MGLL: variants seen among roughly 807,000 people sequenced by gnomAD.
MGLL encodes the protein monoglyceride lipase.
In MGLL, 7 loss-of-function variants were observed where a neutral mutation model predicts 29.1. The observed-to-expected ratio is 0.24, with a 90% CI of 0.14 to 0.45. The LOEUF (loss-of-function observed/expected upper bound fraction) is 0.45. Ranked by LOEUF, MGLL falls within the 20% of genes least tolerant of loss-of-function variation. The pLI is 0.99. For missense variants in MGLL, 356 were observed against 413.6 expected, an observed-to-expected ratio of 0.86 and a Z score of 1.21; for synonymous variants, 148 against 168.3, an observed-to-expected ratio of 0.88 and a Z score of 0.93.
chr3:127,799,717 C>T (rs1215678798), intron 2 of MGLL, among the ~76,000 whole-genome samples: 3 of 152,164 alleles, frequency 2.0e-5, no homozygotes, highest in African/African-American at 7.2e-5. Context: ...TGGCAGCCCC[C>T]AAGCAGCTCA....
intron 6 of MGLL, among the ~76,000 whole-genome samples, chr3:127,697,245 G>A (rs760285112): frequency 2.6e-5 from 4 of 152,248 alleles, no homozygotes; most frequent in African/African-American, 7.2e-5. Flanking sequence ...GGGCTGTAGG[G>A]CCCGCAAAAG....
At chr3:127,818,242 C>G (rs796736533) in intron 2 of MGLL, among the ~76,000 whole-genome samples, 1 of 152,156 alleles carries the variant, frequency 6.6e-6, no homozygotes, top group East Asian at 1.9e-4. Flanking sequence ...GGATTATAGG[C>G]GTGAGCCACT....
In MGLL at chr3:127,781,051, A is replaced by T. The variant is rs185063349; in HGVS notation, c.262+738T>A. Among the ~76,000 whole-genome samples the T allele has an allele frequency of 3.0e-4, 46 of 152,328 alleles. 1 individual carries two copies. The highest frequency in any genetic ancestry group is 2.9e-3 in the Admixed American group (45 of 15,306). On this transcript the variant is annotated intron_variant, in intron 3 of 7. Coordinates refer to ENST00000265052, the MANE Select transcript of MGLL (RefSeq NM_007283.7). ...TTGTGGATTTTGCTACAGAACAAAG[A>T]ATCAAAGACCTGGCCTGGGGTTGTG... is the stretch of plus-strand genomic sequence containing the variant.
chr3:127,693,749 G>T (rs533309825), intron 7 of MGLL, among the ~76,000 whole-genome samples: 1 of 151,870 alleles, frequency 6.6e-6, no homozygotes, highest in Non-Finnish European at 1.5e-5. Flanking sequence ...TACAGGTTCC[G>T]GGGGGGCAGG....
intron 2 of MGLL, among the ~76,000 whole-genome samples, chr3:127,783,143 CAAAAAAA>C (rs72041528): frequency 1.6e-5 from 1 of 63,930 alleles, no homozygotes; most frequent in Non-Finnish European, 2.6e-5. Context: ...GACTCTGTCT[CAAAAAAA>C]AAAAAAAAAA....
chr3:127,782,015 G>A (rs1260247869), intron 2 of MGLL, 120 bp from the exon 3 acceptor site: 3 of 860,854 alleles, frequency 3.5e-6, no homozygotes, highest in Non-Finnish European at 5.8e-6. Flanking sequence ...GAGCTCAGGA[G>A]TTTGAGACCA....
intron 3 of MGLL, among the ~76,000 whole-genome samples, chr3:127,766,767 C>A (rs544647822): frequency 6.6e-6 from 1 of 152,212 alleles, no homozygotes; most frequent in South Asian, 2.1e-4. Context: ...CTTAGTTTAC[C>A]TCTTTAAAAA....
intron 6 of MGLL, among the ~76,000 whole-genome samples, chr3:127,700,461 C>T (rs557077802): frequency 3.5e-4 from 53 of 152,220 alleles, no homozygotes; most frequent in Non-Finnish European, 3.2e-4. Flanking sequence ...CCCCAAAACC[C>T]TTCTCCCATG....
intron 3 of MGLL, among the ~76,000 whole-genome samples, chr3:127,741,502 G>A (rs542887529): frequency 2.6e-5 from 4 of 152,234 alleles, no homozygotes; most frequent in Admixed American, 1.3e-4. Flanking sequence ...TCAGCACGAG[G>A]CCCATGCTAG....
At chr3:127,814,382 T>C (rs1559987762) in intron 2 of MGLL, among the ~76,000 whole-genome samples, 1 of 152,158 alleles carries the variant, frequency 6.6e-6, no homozygotes, top group Non-Finnish European at 1.5e-5. Context: ...AAGAAACTCC[T>C]ACCAACAAGA....
At chr3:127,807,993 C>T (rs766354225) in intron 2 of MGLL, among the ~76,000 whole-genome samples, 1 of 151,946 alleles carries the variant, frequency 6.6e-6, no homozygotes, top group Non-Finnish European at 1.5e-5. Flanking sequence ...ATCTCCTGAC[C>T]TCGTGATCCA....
chr3:127,693,225 G>A (rs377188407), intron 7 of MGLL, among the ~76,000 whole-genome samples: 32 of 152,238 alleles, frequency 2.1e-4, no homozygotes, highest in African/African-American at 6.7e-4. Flanking sequence ...CCCAGGGGTC[G>A]TCCTTCATGA....
chr3:127,700,227 C>G (rs758834862), intron 6 of MGLL, among the ~76,000 whole-genome samples: 1 of 152,206 alleles, frequency 6.6e-6, no homozygotes, highest in Non-Finnish European at 1.5e-5. Flanking sequence ...CTAACAAAAA[C>G]TGGCAAGTCT....
At position 127,822,463 on chromosome 3, in the gene MGLL, G is replaced by T; in HGVS notation, c.-145C>A. On this transcript the variant is annotated 5_prime_UTR_variant, in exon 1 of 8. Transcript: ENST00000265052. ...TCCCGCACCCAGACCCTGCCTTTCG[G>T]GCTGGGGCGCTCAGCCGGGAGCCTG... is the stretch of plus-strand genomic sequence containing the variant. The T allele has an allele frequency of 1.2e-6, 1 of 827,520 alleles. No individual in the cohort carries two copies. Among genetic ancestry groups the T allele is most frequent in the Non-Finnish European group, 2.0e-6 (1 of 504,552 alleles). The allele number at this position is 827,520 out of a possible 1,614,324, so 51.3% of individuals were successfully genotyped here.
intron 3 of MGLL, among the ~76,000 whole-genome samples, chr3:127,775,435 T>C (rs928009789): frequency 6.6e-6 from 1 of 152,166 alleles, no homozygotes; most frequent in African/African-American, 2.4e-5. Context: ...TCTCCCTGGA[T>C]GAAAAACACC....
chr3:127,771,635 T>C (rs1220387746), intron 3 of MGLL, among the ~76,000 whole-genome samples: 1 of 152,138 alleles, frequency 6.6e-6, no homozygotes, highest in Non-Finnish European at 1.5e-5. Flanking sequence ...GGATTACAGG[T>C]GTGAGCCACC....
chr3:127,731,368 TA>T (rs1207296735), intron 3 of MGLL, among the ~76,000 whole-genome samples: 1 of 121,460 alleles, frequency 8.2e-6, no homozygotes, highest in Non-Finnish European at 1.7e-5. Flanking sequence ...TTATTATTAT[TA>T]TTATTTTAAA....
chr3:127,703,738 A>G (rs1419534435), intron 6 of MGLL, among the ~76,000 whole-genome samples: 2 of 152,250 alleles, frequency 1.3e-5, no homozygotes, highest in Admixed American at 6.5e-5. Context: ...GCTTCAGAGT[A>G]CATTATCAGC....
intron 2 of MGLL, among the ~76,000 whole-genome samples, chr3:127,796,584 C>T (rs2077386652): frequency 6.6e-6 from 1 of 152,186 alleles, no homozygotes; most frequent in African/African-American, 2.4e-5. Context: ...TCATTTGAGA[C>T]CAGTCCATCT....
Sources: gnomAD v4.1 joint callset for allele counts (sites outside exome capture counted in the v4.1 genomes callset) on GRCh38, gnomAD v4.1.1 for gene constraint, MANE v1.5 for transcripts, NCBI Gene and HGNC (gene_info 2026-07-23, HGNC 2026-07-21) for gene names.